Variants in NEK7 observed in about 807,000 individuals in gnomAD.
The protein encoded by NEK7 is serine/threonine-protein kinase Nek7.
A neutral mutation model predicts 44.6 loss-of-function variants in NEK7; 18 were observed. The ratio of observed to expected loss-of-function variants is 0.40; its 90% CI spans 0.28 to 0.60. The LOEUF (loss-of-function observed/expected upper bound fraction) is 0.60. Ranked by LOEUF, NEK7 falls within the 20% of genes least tolerant of loss-of-function variation. The probability of loss-of-function intolerance (pLI) is 0.38; values close to 1 mark genes in which losing one functional copy is unlikely to be tolerated. For synonymous variants in NEK7, 130 were observed against 121.1 expected, an observed-to-expected ratio of 1.07 and a Z score of -0.48; for missense variants, 256 against 366.5, an observed-to-expected ratio of 0.70 and a Z score of 2.46.
At position 198,170,897 on chromosome 1, in the gene NEK7, G is replaced by A. The variant is rs1359858372; in HGVS notation, c.-29+13621G>A. On this transcript the variant is annotated intron_variant, in intron 1 of 9. Transcript: ENST00000367385. ...GCATCAAAATAGAATCAAGATTATT[G>A]TAAAAGGGACCTCAAACGTAGATTT... is the stretch of plus-strand genomic sequence containing the variant. Among the ~76,000 whole-genome samples the A allele has an allele frequency of 3.3e-5, 5 of 151,874 alleles. No homozygotes were observed. The East Asian group carries it at 5.9e-4, about 18-fold the overall frequency.
intron 1 of NEK7, among the ~76,000 whole-genome samples, chr1:198,186,396 T>TTTTTGTTTTG (rs533357562): frequency 2.0e-5 from 3 of 152,112 alleles, no homozygotes; most frequent in East Asian, 1.9e-4. Flanking sequence ...AAAGAGCAAG[T>TTTTTGTTTTG]TTTTGTTTTG....
intron 1 of NEK7, among the ~76,000 whole-genome samples, chr1:198,213,352 A>T (rs1304867911): frequency 6.6e-6 from 1 of 152,202 alleles, no homozygotes; most frequent in Non-Finnish European, 1.5e-5. Flanking sequence ...CAGTGGGGAA[A>T]GTCTGCAGCT....
chr1:198,198,269 C>T (rs1412160479), intron 1 of NEK7: 8 of 506,998 alleles, frequency 1.6e-5, no homozygotes, highest in Non-Finnish European at 2.5e-5. Context: ...AGAAGGGAAC[C>T]CCCCATGTGA....
At chr1:198,202,157 C>CT (rs1174815678) in intron 1 of NEK7, among the ~76,000 whole-genome samples, 1 of 152,006 alleles carries the variant, frequency 6.6e-6, no homozygotes, top group Non-Finnish European at 1.5e-5. Context: ...CTCAGCAGCA[C>CT]TAGAGATCCA....
At chr1:198,240,355 T>C (rs951050539) in intron 2 of NEK7, among the ~76,000 whole-genome samples, 1 of 152,218 alleles carries the variant, frequency 6.6e-6, no homozygotes, top group Non-Finnish European at 1.5e-5. Flanking sequence ...AGAATTCTCT[T>C]GCCTGCTGCT....
chr1:198,232,305 A>G (rs1240243500), intron 1 of NEK7, among the ~76,000 whole-genome samples: 1 of 152,176 alleles, frequency 6.6e-6, no homozygotes, highest in Non-Finnish European at 1.5e-5. Flanking sequence ...AAGGAATTTC[A>G]TCTCAGGAAA....
At chr1:198,230,540 G>A (rs1445195013) in intron 1 of NEK7, among the ~76,000 whole-genome samples, 2 of 151,884 alleles carry the variant, frequency 1.3e-5, no homozygotes, top group Admixed American at 6.6e-5. Context: ...ATAAATCAGG[G>A]CATCTATAAA....
intron 7 of NEK7, among the ~76,000 whole-genome samples, chr1:198,288,535 C>G (rs1312338205): frequency 6.6e-6 from 1 of 152,158 alleles, no homozygotes; most frequent in Non-Finnish European, 1.5e-5. Flanking sequence ...TGCTTAAATG[C>G]AAGAGACAAG....
chr1:198,264,056 A>G (rs978081892), intron 4 of NEK7, 69 bp from the exon 5 acceptor site: 4 of 1,470,890 alleles, frequency 2.7e-6, no homozygotes, highest in Admixed American at 2.6e-5. Context: ...GTTCTTAAGT[A>G]CAAAACTATA....
rs79809439 is a variant in NEK7 at position 198,207,284 on chromosome 1, A to T, written c.-28-25269A>T. 7.2e-5 allele frequency: 11 copies of T among 152,246 alleles called. No individual in the cohort carries two copies. The East Asian group carries it at 2.1e-3, about 29-fold the overall frequency. The allele number at this position is 152,246 out of a possible 1,614,324, so 9.4% of individuals were successfully genotyped here. Reference sequence around the variant, plus strand: ...CATTCTCTATGTTTTATTTCTTGTTATGCCAAATAAAGACCTGCTATTTTA... The same window carrying T: ...CATTCTCTATGTTTTATTTCTTGTTTTGCCAAATAAAGACCTGCTATTTTA... On this transcript the variant is annotated intron_variant, in intron 1 of 9. Coordinates refer to ENST00000367385, the MANE Select transcript of NEK7 (RefSeq NM_133494.3).
At chr1:198,318,862 A>G (rs1025077159) in intron 9 of NEK7, among the ~76,000 whole-genome samples, 10 of 152,116 alleles carry the variant, frequency 6.6e-5, no homozygotes, top group Admixed American at 5.2e-4. Context: ...GAGGATTGGA[A>G]TAACACTTAT....
intron 7 of NEK7, among the ~76,000 whole-genome samples, chr1:198,285,456 G>A (rs772485957): frequency 1.1e-4 from 16 of 152,292 alleles, no homozygotes; most frequent in African/African-American, 1.7e-4. Context: ...AGTTGTAGAC[G>A]CTTGTTGGTC....
intron 1 of NEK7, chr1:198,197,679 G>A (rs1460891229): frequency 4.8e-6 from 2 of 419,762 alleles, no homozygotes; most frequent in Non-Finnish European, 8.9e-6. Context: ...GGTAGGGGTG[G>A]GGAGCCCAAG....
rs937795796 is a variant in NEK7 at position 198,278,167 on chromosome 1, C to T, written c.481+98C>T. 3 of 654,136 alleles carry T rather than the reference C, an allele frequency of 4.6e-6. No individual in the cohort carries two copies. The African/African-American group carries it at 5.9e-5, about 13-fold the overall frequency. The allele number at this position is 654,136 out of a possible 1,614,324, so 40.5% of individuals were successfully genotyped here. The stretch of plus-strand genomic sequence containing the variant: ...GTCAGTACATAATACCATACTTTTT[C>T]AGGTAATTATTTTCAAATTATAATT... On this transcript the variant is annotated intron_variant, in intron 6 of 9. Transcript: ENST00000367385.
chr1:198,306,807 A>T (rs1394472958), intron 9 of NEK7, among the ~76,000 whole-genome samples: 1 of 152,144 alleles, frequency 6.6e-6, no homozygotes, highest in Non-Finnish European at 1.5e-5. Context: ...ATTATAACAA[A>T]AGACTTTTGC....
intron 1 of NEK7, among the ~76,000 whole-genome samples, chr1:198,198,640 G>C (rs536245801): frequency 1.3e-5 from 2 of 152,286 alleles, no homozygotes; most frequent in Admixed American, 1.3e-4. Flanking sequence ...TTGGCAATTT[G>C]TTGCCCTGAT....
At chr1:198,235,987 T>C (rs775659343) in intron 2 of NEK7, among the ~76,000 whole-genome samples, 11 of 152,150 alleles carry the variant, frequency 7.2e-5, no homozygotes, top group Non-Finnish European at 1.6e-4. Flanking sequence ...TCCTTTAAGC[T>C]TCATGGCAGT....
intron 1 of NEK7, among the ~76,000 whole-genome samples, chr1:198,201,763 G>A (rs928285419): frequency 6.6e-6 from 1 of 152,022 alleles, no homozygotes; most frequent in Admixed American, 6.6e-5. Context: ...GAAAATCCAG[G>A]TGACACCAAG....
intron 2 of NEK7, among the ~76,000 whole-genome samples, chr1:198,241,215 A>G (rs1368340833): frequency 1.3e-5 from 2 of 152,180 alleles, no homozygotes; most frequent in Non-Finnish European, 2.9e-5. Context: ...CTTCCTTTAT[A>G]TTGTTACTAT....
Sources: gnomAD v4.1 joint callset for allele counts (sites outside exome capture counted in the v4.1 genomes callset) on GRCh38, gnomAD v4.1.1 for gene constraint, MANE v1.5 for transcripts, NCBI Gene and HGNC (gene_info 2026-07-23, HGNC 2026-07-21) for gene names.